EFCAB11: variants seen among roughly 807,000 people sequenced by gnomAD.
EFCAB11 encodes the protein EF-hand calcium binding domain 11, also known as EF-hand calcium-binding domain-containing protein 11.
In EFCAB11, 14 loss-of-function variants were observed where a neutral mutation model predicts 23.0. The ratio of observed to expected loss-of-function variants is 0.61; its 90% CI spans 0.40 to 0.95. EFCAB11 has a LOEUF of 0.95. EFCAB11 is among the 40% of genes least tolerant of loss of function. The pLI is 0.00. For missense variants in EFCAB11, 198 were observed against 195.8 expected (o/e 1.01, Z -0.07); for synonymous variants, 65 against 66.6 (o/e 0.98, Z 0.11).
chr14:89,875,838 G>A (rs535601118), intron 5 of EFCAB11, among the ~76,000 whole-genome samples: 6 of 152,220 alleles, frequency 3.9e-5, no homozygotes, highest in African/African-American at 1.2e-4. Context: ...TCCCAGAGAA[G>A]TATACTGGTA....
chr14:89,823,773 G>C (rs1886601393), intron 5 of EFCAB11, among the ~76,000 whole-genome samples: 1 of 152,176 alleles, frequency 6.6e-6, no homozygotes, highest in Non-Finnish European at 1.5e-5. Flanking sequence ...TTCTAGAGAT[G>C]AAAAACATAA....
chr14:89,794,913 T>A lies in EFCAB11; in HGVS notation c.*2330A>T, dbSNP rs183352297. 7 of 150,586 alleles carry A rather than the reference T, an allele frequency of 4.6e-5. No homozygotes were observed. In the East Asian group the frequency reaches 1.4e-3, roughly 30 times the overall value. The allele number at this position is 150,586 out of a possible 1,614,324, so 9.3% of individuals were successfully genotyped here. On this transcript the variant is annotated 3_prime_UTR_variant, in exon 6 of 6. Coordinates refer to ENST00000316738, the MANE Select transcript of EFCAB11 (RefSeq NM_145231.4). The stretch of plus-strand genomic sequence containing the variant: ...ACATTTGTTACAATTAATGAACCAA[T>A]AGTGATACATTATTATTAGCTAAAG...
intron 5 of EFCAB11, among the ~76,000 whole-genome samples, chr14:89,867,390 G>A (rs1167450972): frequency 6.6e-6 from 1 of 152,132 alleles, no homozygotes; most frequent in Admixed American, 6.5e-5. Flanking sequence ...AGCTTCTGCT[G>A]GTGCCAACAT....
chr14:89,932,545 G>A lies in EFCAB11; in HGVS notation c.300C>T (p.Phe100=). The A allele has an allele frequency of 6.2e-7, 1 of 1,613,678 alleles. No homozygotes were observed. The highest frequency in any genetic ancestry group is 8.5e-7 in the Non-Finnish European group (1 of 1,179,826). ...ACTTACAGTAGGTGTCAAAGGCTGTGAAGATGTGTCTTACTTCGTTCCGAT... is the reference window on the plus strand; with the variant it reads ...ACTTACAGTAGGTGTCAAAGGCTGTAAAGATGTGTCTTACTTCGTTCCGAT... ...QRYRNEVRHI[F]TAFDTYYRGF... is the part of the protein sequence containing the mutation. The change falls in exon 4 of 6, where the codon TTC becomes TTT. Residue 100 remains phenylalanine, a synonymous_variant. Transcript: ENST00000316738.
rs1234595657 is a variant in EFCAB11 at position 89,846,702 on chromosome 14, GCCC to G, written c.411-49381_411-49379del. On this transcript the variant is annotated intron_variant, in intron 5 of 5. Transcript: ENST00000316738. ...CATCTTTGAGACTCCCAAGACCTTGGCCCCTCTACATTCTCTAAGTCTATGAAT... is the reference window on the plus strand; with the variant it reads ...CATCTTTGAGACTCCCAAGACCTTGGCTCTACATTCTCTAAGTCTATGAAT... Among the ~76,000 whole-genome samples the G allele has an allele frequency of 9.1e-4, 139 of 152,182 alleles. 3 individuals are homozygous for G. The South Asian group carries it at 0.028, about 31-fold the overall frequency.
rs200436005 is a variant in EFCAB11 at position 89,814,668 on chromosome 14, C to T, written c.411-17344G>A. ...GTGGTGAGCTGAGATCACGCCATTGCACTCCAGCCTGGGCAACAAGAGCGA... is the reference window on the plus strand; with the variant it reads ...GTGGTGAGCTGAGATCACGCCATTGTACTCCAGCCTGGGCAACAAGAGCGA... On this transcript the variant is annotated intron_variant, in intron 5 of 5. Transcript: ENST00000316738. Among the ~76,000 whole-genome samples, 9 of 151,626 alleles carry T rather than the reference C, an allele frequency of 5.9e-5. No individual in the cohort carries two copies. In the East Asian group the frequency reaches 1.7e-3, roughly 29 times the overall value.
chr14:89,884,435 G>A (rs1346829542), intron 5 of EFCAB11, among the ~76,000 whole-genome samples: 3 of 152,054 alleles, frequency 2.0e-5, no homozygotes, highest in Non-Finnish European at 2.9e-5. Context: ...AAAACCTATT[G>A]CATATTCCAT....
At chr14:89,829,065 G>A (rs1378999364) in intron 5 of EFCAB11, among the ~76,000 whole-genome samples, 1 of 152,220 alleles carries the variant, frequency 6.6e-6, no homozygotes, top group Non-Finnish European at 1.5e-5. Context: ...TATGAAGGAA[G>A]AGTTCTTTTT....
rs1176853624 is a variant in EFCAB11, at chr14:89,950,151, G to C, written c.172-9C>G. The C allele has an allele frequency of 5.2e-6, 8 of 1,553,176 alleles. No homozygotes were observed. The highest frequency in any genetic ancestry group is 7.0e-6 in the Non-Finnish European group (8 of 1,138,744). On this transcript the variant is annotated splice_polypyrimidine_tract_variant and intron_variant, in intron 2 of 5. Transcript: ENST00000316738. ...ACAGAATCCACTTCTATCTAGAAAA[G>C]AGGAAAAAATAATAGAACATGTAAT...
intron 3 of EFCAB11, among the ~76,000 whole-genome samples, chr14:89,948,055 T>C (rs1596471774): frequency 6.6e-6 from 1 of 150,468 alleles, no homozygotes; most frequent in Non-Finnish European, 1.5e-5. Flanking sequence ...TGTCCATTCA[T>C]CCAGCTGCAC....
At chr14:89,850,197 A>G (rs1887560952) in intron 5 of EFCAB11, among the ~76,000 whole-genome samples, 1 of 152,140 alleles carries the variant, frequency 6.6e-6, no homozygotes, top group Admixed American at 6.6e-5. Context: ...TGCACATACT[A>G]TGTTCTCTGA....
At position 89,913,814 on chromosome 14, in the gene EFCAB11, A is replaced by G. The variant is rs186442339; in HGVS notation, c.410+17727T>C. Among the ~76,000 whole-genome samples the G allele has an allele frequency of 1.2e-3, 178 of 152,296 alleles. 2 individuals carry two copies. Among genetic ancestry groups the G allele is most frequent in the Non-Finnish European group, 4.0e-4 (27 of 68,038 alleles). Reference sequence around the variant, plus strand: ...TACAGTCTTATAACTTTGTAAAATAATATTTTAAAAAATATTTAAATTTAT... The same window carrying G: ...TACAGTCTTATAACTTTGTAAAATAGTATTTTAAAAAATATTTAAATTTAT... On this transcript the variant is annotated intron_variant, in intron 5 of 5. Coordinates refer to ENST00000316738, the MANE Select transcript of EFCAB11 (RefSeq NM_145231.4).
chr14:89,885,703 AAGAG>A (rs886107619), intron 5 of EFCAB11, among the ~76,000 whole-genome samples: 63 of 149,694 alleles, frequency 4.2e-4, no homozygotes, highest in South Asian at 1.1e-3. Context: ...AAGAGAGAGA[AAGAG>A]AGAAAGAAAG....
At chr14:89,934,471 C>T (rs762853782) in intron 3 of EFCAB11, among the ~76,000 whole-genome samples, 4 of 152,070 alleles carry the variant, frequency 2.6e-5, no homozygotes, top group East Asian at 1.9e-4. Flanking sequence ...AAAATTGGGG[C>T]GAGATGAAGA....
At chr14:89,807,156 A>T (rs2140083942) in intron 5 of EFCAB11, among the ~76,000 whole-genome samples, 1 of 152,358 alleles carries the variant, frequency 6.6e-6, no homozygotes, top group South Asian at 2.1e-4. Context: ...AAGAACAGCT[A>T]TTCTGAAGAG....
intron 5 of EFCAB11, among the ~76,000 whole-genome samples, chr14:89,886,961 T>A (rs998218844): frequency 1.3e-5 from 2 of 152,222 alleles, no homozygotes; most frequent in African/African-American, 4.8e-5. Context: ...ACATCCTAAA[T>A]AATCCACAGA....
At chr14:89,822,421 G>A (rs765339674) in intron 5 of EFCAB11, among the ~76,000 whole-genome samples, 17 of 152,180 alleles carry the variant, frequency 1.1e-4, no homozygotes, top group Non-Finnish European at 2.5e-4. Context: ...TAGACTTTGA[G>A]TCACTGTTTT....
chr14:89,931,852 G>A, intron 4 of EFCAB11, among the ~76,000 whole-genome samples: 1 of 152,164 alleles, frequency 6.6e-6, no homozygotes, highest in South Asian at 2.1e-4. Flanking sequence ...GATCTTGAAG[G>A]TCACTTCTGG....
At chr14:89,865,674 A>T (rs943166752) in intron 5 of EFCAB11, among the ~76,000 whole-genome samples, 5 of 150,574 alleles carry the variant, frequency 3.3e-5, no homozygotes, top group Non-Finnish European at 7.4e-5. Flanking sequence ...GCTTGTGTTT[A>T]TTTTTTTTGA....
Sources: allele counts gnomAD v4.1 joint callset (sites outside exome capture counted in the v4.1 genomes callset), GRCh38; gene constraint gnomAD v4.1.1; transcripts MANE v1.5; gene names NCBI Gene and HGNC (gene_info 2026-07-23, HGNC 2026-07-21).